Variants in C8orf34 observed in about 807,000 individuals in gnomAD.
C8orf34 encodes uncharacterized protein C8orf34.
Under a neutral mutation model 68.3 loss-of-function variants are expected in C8orf34, and 65 were observed. That is an observed-to-expected ratio of 0.95 (90% CI 0.78 to 1.17). The LOEUF is 1.17. Ranked by LOEUF, C8orf34 falls within the 50% of genes most tolerant of loss-of-function variation. The pLI, the probability that C8orf34 is intolerant of heterozygous loss-of-function variation, is 0.00. For missense variants in C8orf34, 664 were observed against 655.4 expected (o/e 1.01, Z -0.14); for synonymous variants, 244 against 241.2 (o/e 1.01, Z -0.11).
chr8:68,426,518 C>CA (rs753578060), intron 1 of C8orf34, among the ~76,000 whole-genome samples: 1,584 of 29,394 alleles, frequency 0.054, 90 homozygotes, highest in Non-Finnish European at 0.072. Flanking sequence ...GACCTTGTCT[C>CA]AAAAAAAAAA....
chr8:68,469,385 T>C (rs1812282777), intron 4 of C8orf34, among the ~76,000 whole-genome samples: 1 of 152,066 alleles, frequency 6.6e-6, no homozygotes, highest in African/African-American at 2.4e-5. Flanking sequence ...TTACCCTCCA[T>C]GTGCCTTGGT....
At chr8:68,650,094 A>G (rs188628776) in intron 8 of C8orf34, among the ~76,000 whole-genome samples, 2 of 152,336 alleles carry the variant, frequency 1.3e-5, no homozygotes, top group African/African-American at 4.8e-5. Context: ...GGTCTGTGAA[A>G]CAGTCATAAG....
At chr8:68,365,079 A>T (rs1807186360) in intron 1 of C8orf34, among the ~76,000 whole-genome samples, 1 of 149,596 alleles carries the variant, frequency 6.7e-6, no homozygotes, top group Admixed American at 6.6e-5. Context: ...CACCGATCCC[A>T]CAGAAATACA....
intron 12 of C8orf34, chr8:68,791,881 C>G (rs1053450149): frequency 6.6e-6 from 1 of 152,202 alleles, no homozygotes; most frequent in Admixed American, 6.5e-5. Context: ...AACTGTGGAA[C>G]AAGCCATGAA....
At chr8:68,545,729 G>T (rs995898370) in intron 7 of C8orf34, among the ~76,000 whole-genome samples, 7 of 152,096 alleles carry the variant, frequency 4.6e-5, no homozygotes, top group Non-Finnish European at 7.4e-5. Flanking sequence ...AACTGTTAAA[G>T]CATCCCTCAG....
At chr8:68,416,899 T>A (rs1334921646) in intron 1 of C8orf34, among the ~76,000 whole-genome samples, 1 of 152,152 alleles carries the variant, frequency 6.6e-6, no homozygotes, top group East Asian at 1.9e-4. Flanking sequence ...TCTAAAACAA[T>A]TATTTATAAA....
chr8:68,465,209 A>G (rs1326624660), intron 3 of C8orf34, among the ~76,000 whole-genome samples: 33 of 152,148 alleles, frequency 2.2e-4, no homozygotes, highest in Non-Finnish European at 2.9e-4. Flanking sequence ...AATGCTCACC[A>G]TCACTGGCCA....
chr8:68,444,088 T>C (rs775665929), intron 2 of C8orf34, among the ~76,000 whole-genome samples: 1 of 152,198 alleles, frequency 6.6e-6, no homozygotes, highest in Non-Finnish European at 1.5e-5. Flanking sequence ...CTTTTCTTTG[T>C]TGACTCTCTT....
chr8:68,817,518 G>T (rs1824855098), intron 13 of C8orf34, among the ~76,000 whole-genome samples: 2 of 152,052 alleles, frequency 1.3e-5, no homozygotes, highest in Admixed American at 1.3e-4. Flanking sequence ...ATTACTTCAG[G>T]TAATGTGAGT....
chr8:68,628,518 G>A (rs1454447747), intron 7 of C8orf34, among the ~76,000 whole-genome samples: 1 of 151,962 alleles, frequency 6.6e-6, no homozygotes, highest in Non-Finnish European at 1.5e-5. Flanking sequence ...TCTAAGTCCC[G>A]ATCTGTTTTC....
chr8:68,565,584 TA>T (rs1225205323), intron 7 of C8orf34, among the ~76,000 whole-genome samples: 1 of 152,160 alleles, frequency 6.6e-6, no homozygotes, highest in Non-Finnish European at 1.5e-5. Flanking sequence ...CTTTAGAAGC[TA>T]AAATAATGGT....
chr8:68,442,007 C>T (rs1810928977), intron 2 of C8orf34, among the ~76,000 whole-genome samples: 1 of 151,976 alleles, frequency 6.6e-6, no homozygotes, highest in Admixed American at 6.6e-5. Context: ...AAGCAGGAGT[C>T]CCAGATGTTA....
At chr8:68,604,147 A>G (rs1328788360) in intron 7 of C8orf34, among the ~76,000 whole-genome samples, 1 of 152,252 alleles carries the variant, frequency 6.6e-6, no homozygotes, top group South Asian at 2.1e-4. Flanking sequence ...ACTGAACACA[A>G]TGAAAGAGCT....
chr8:68,762,887 G>A (rs888700981), intron 10 of C8orf34, among the ~76,000 whole-genome samples: 1 of 152,158 alleles, frequency 6.6e-6, no homozygotes, highest in Non-Finnish European at 1.5e-5. Context: ...TTTAGACCAC[G>A]AAGGAATGAC....
intron 7 of C8orf34, among the ~76,000 whole-genome samples, chr8:68,631,657 T>C (rs1453176717): frequency 6.6e-6 from 1 of 152,154 alleles, no homozygotes; most frequent in Non-Finnish European, 1.5e-5. Context: ...AATCCCCATG[T>C]GTGGAGGGAA....
chr8:68,808,174 C>A (rs997963063), intron 12 of C8orf34, among the ~76,000 whole-genome samples: 1 of 152,116 alleles, frequency 6.6e-6, no homozygotes, highest in Non-Finnish European at 1.5e-5. Flanking sequence ...ATGTTTGGTG[C>A]CTTCACACAG....
At chr8:68,724,431 T>C (rs1028837786) in intron 10 of C8orf34, among the ~76,000 whole-genome samples, 1 of 152,246 alleles carries the variant, frequency 6.6e-6, no homozygotes, top group Non-Finnish European at 1.5e-5. Flanking sequence ...CTTTCCATGT[T>C]GAATATTGTA....
At chr8:68,657,464 A>G (rs543978890) in intron 8 of C8orf34, among the ~76,000 whole-genome samples, 2 of 152,270 alleles carry the variant, frequency 1.3e-5, no homozygotes, top group South Asian at 4.1e-4. Context: ...CTGGACACCA[A>G]ATCTGCTGCC....
intron 8 of C8orf34, among the ~76,000 whole-genome samples, chr8:68,641,334 T>C (rs539463949): frequency 6.6e-6 from 1 of 152,338 alleles, no homozygotes; most frequent in East Asian, 1.9e-4. Context: ...TTTTCTCTTT[T>C]GCTTTACCCC....
Sources: gnomAD v4.1 joint callset for allele counts (sites outside exome capture counted in the v4.1 genomes callset) on GRCh38, gnomAD v4.1.1 for gene constraint, MANE v1.5 for transcripts, NCBI Gene and HGNC (gene_info 2026-07-23, HGNC 2026-07-21) for gene names.